Variants in RPS6KC1 observed in about 807,000 individuals in gnomAD.
RPS6KC1 encodes the protein ribosomal protein S6 kinase C1.
A neutral mutation model predicts 103.8 loss-of-function variants in RPS6KC1; 54 were observed. That is an observed-to-expected ratio of 0.52 (90% confidence interval 0.42 to 0.65). The LOEUF is 0.65. RPS6KC1 is among the 30% of genes least tolerant of loss of function. RPS6KC1 has a pLI of 0.00. For synonymous variants in RPS6KC1, 439 were observed against 438.7 expected (o/e 1.00, Z -0.01); for missense variants, 1,151 against 1,253.8 (o/e 0.92, Z 1.24).
chr1:213,744,033 A>C, the RPS6KC1 span, among the ~76,000 whole-genome samples: 3 of 152,208 alleles, frequency 2.0e-5, no homozygotes, highest in Non-Finnish European at 4.4e-5. Flanking sequence ...CGGAAATGGA[A>C]AACCAAATAT....
chr1:213,363,604 CGCTTGCTTGCTTGCTTGCTT>C, the RPS6KC1 span, among the ~76,000 whole-genome samples: 331 of 85,102 alleles, frequency 3.9e-3, 14 homozygotes, highest in African/African-American at 0.019. Context: ...CTTGCTCGCT[CGCTTGCTTGCTTGCTTGCTT>C]GCTTTCTTTC....
chr1:213,449,225 A>G, the RPS6KC1 span, among the ~76,000 whole-genome samples: 1 of 149,302 alleles, frequency 6.7e-6, no homozygotes, highest in Admixed American at 6.7e-5. Context: ...CCGCCCCACC[A>G]AGCCCCAGTA....
At chr1:213,132,070 A>G (rs974861970) in intron 6 of RPS6KC1, among the ~76,000 whole-genome samples, 2 of 152,230 alleles carry the variant, frequency 1.3e-5, no homozygotes, top group African/African-American at 4.8e-5. Flanking sequence ...AGAATTATAG[A>G]TGCATGTCAG....
At chr1:213,165,800 A>G (rs2090912780) in intron 6 of RPS6KC1, among the ~76,000 whole-genome samples, 1 of 152,044 alleles carries the variant, frequency 6.6e-6, no homozygotes, top group South Asian at 2.1e-4. Flanking sequence ...CAGGTGATCC[A>G]TCTGCCTCAG....
the RPS6KC1 span, among the ~76,000 whole-genome samples, chr1:213,625,761 A>G: frequency 3.3e-5 from 5 of 152,160 alleles, no homozygotes; most frequent in Admixed American, 2.0e-4. Context: ...ATATGAACTC[A>G]TCATTTTTTA....
At chr1:213,345,432 C>T in the RPS6KC1 span, among the ~76,000 whole-genome samples, 1 of 152,152 alleles carries the variant, frequency 6.6e-6, no homozygotes, top group African/African-American at 2.4e-5. Flanking sequence ...TTTGGGCTTA[C>T]CTGTTGTTAT....
At chr1:213,553,327 C>G in the RPS6KC1 span, among the ~76,000 whole-genome samples, 1 of 152,054 alleles carries the variant, frequency 6.6e-6, no homozygotes, top group South Asian at 2.1e-4. Context: ...TATGTTGCTG[C>G]GAAGGACGTG....
At chr1:213,351,672 C>T in the RPS6KC1 span, among the ~76,000 whole-genome samples, 1 of 152,136 alleles carries the variant, frequency 6.6e-6, no homozygotes, top group East Asian at 1.9e-4. Context: ...ATCACAGGGT[C>T]TCTGAAGTCC....
the RPS6KC1 span, among the ~76,000 whole-genome samples, chr1:213,702,611 A>G: frequency 0.015 from 2,276 of 152,166 alleles, 25 homozygotes; most frequent in Middle Eastern, 0.034. Flanking sequence ...TGGTGCACAT[A>G]TATTTAAAAT....
the RPS6KC1 span, among the ~76,000 whole-genome samples, chr1:213,375,218 C>T: frequency 6.6e-6 from 1 of 151,844 alleles, no homozygotes; most frequent in Non-Finnish European, 1.5e-5. Context: ...TACATACATA[C>T]ATATTCACAT....
At chr1:213,126,641 C>G (rs1264166368) in intron 5 of RPS6KC1, among the ~76,000 whole-genome samples, 2 of 151,896 alleles carry the variant, frequency 1.3e-5, no homozygotes, top group Non-Finnish European at 2.9e-5. Flanking sequence ...TTTGTATGGC[C>G]TGAAAACTAA....
chr1:213,143,768 A>T (rs2087374454), intron 6 of RPS6KC1, among the ~76,000 whole-genome samples: 2 of 150,850 alleles, frequency 1.3e-5, no homozygotes, highest in Admixed American at 1.3e-4. Context: ...ATTGTTTTGT[A>T]GGTTAGAAAT....
chr1:213,200,233 T>A (rs893353950), intron 8 of RPS6KC1, among the ~76,000 whole-genome samples: 1 of 152,082 alleles, frequency 6.6e-6, no homozygotes, highest in African/African-American at 2.4e-5. Flanking sequence ...GACTTCAAAG[T>A]ATACTACAAG....
chr1:213,089,081 A>G (rs2080721142), intron 3 of RPS6KC1, among the ~76,000 whole-genome samples: 1 of 152,236 alleles, frequency 6.6e-6, no homozygotes, highest in South Asian at 2.1e-4. Flanking sequence ...AGATATATGT[A>G]ATAGAGGTAA....
At chr1:213,417,559 G>A in the RPS6KC1 span, among the ~76,000 whole-genome samples, 1 of 152,136 alleles carries the variant, frequency 6.6e-6, no homozygotes, top group Non-Finnish European at 1.5e-5. Context: ...GGGGCTCGGG[G>A]TGCGGCTGGA....
chr1:213,483,498 G>C, the RPS6KC1 span, among the ~76,000 whole-genome samples: 11 of 152,200 alleles, frequency 7.2e-5, no homozygotes, highest in Non-Finnish European at 1.6e-4. Context: ...TGTGTACAAA[G>C]TTTTGAAATT....
At chr1:213,442,809 T>G in the RPS6KC1 span, among the ~76,000 whole-genome samples, 1 of 152,296 alleles carries the variant, frequency 6.6e-6, no homozygotes, top group Admixed American at 6.5e-5. Context: ...GGGGACGCTG[T>G]GTTCCTACAT....
intron 6 of RPS6KC1, among the ~76,000 whole-genome samples, chr1:213,131,904 A>G (rs567259492): frequency 8.9e-4 from 136 of 152,354 alleles, no homozygotes; most frequent in African/African-American, 3.2e-3. Context: ...TCAGAGAATT[A>G]TGTGCTAAAA....
chr1:213,327,955 G>A, the RPS6KC1 span, among the ~76,000 whole-genome samples: 1 of 152,094 alleles, frequency 6.6e-6, no homozygotes. Context: ...TCAGCTGATG[G>A]TCACCTGTTC....
Sources: gnomAD v4.1 joint callset for allele counts (sites outside exome capture counted in the v4.1 genomes callset) on GRCh38, gnomAD v4.1.1 for gene constraint, MANE v1.5 for transcripts, NCBI Gene and HGNC (gene_info 2026-07-23, HGNC 2026-07-21) for gene names.